CCDC60: variants seen among roughly 807,000 people sequenced by gnomAD.
CCDC60 encodes coiled-coil domain-containing protein 60.
A neutral mutation model predicts 63.5 loss-of-function variants in CCDC60; 54 were observed. The observed-to-expected ratio is 0.85, with a 90% confidence interval of 0.68 to 1.07. CCDC60 has a LOEUF of 1.07. CCDC60 is among the 50% of genes least tolerant of loss of function. CCDC60 has a pLI of 0.00. For missense variants in CCDC60, 651 were observed against 684.3 expected (o/e 0.95, Z 0.54); for synonymous variants, 206 against 238.8 (o/e 0.86, Z 1.27).
chr12:119,376,473 C>G (rs973512813), intron 1 of CCDC60, among the ~76,000 whole-genome samples: 2 of 151,910 alleles, frequency 1.3e-5, no homozygotes, highest in Non-Finnish European at 2.9e-5. Context: ...ACAAAAAATA[C>G]AAAAATTTGT....
intron 5 of CCDC60, among the ~76,000 whole-genome samples, chr12:119,496,960 T>C (rs1006704244): frequency 2.0e-5 from 3 of 152,114 alleles, no homozygotes; most frequent in Non-Finnish European, 4.4e-5. Context: ...CTCAGCAGTT[T>C]AAGGCAAAAA....
At chr12:119,441,362 A>G (rs1348021851) in intron 2 of CCDC60, among the ~76,000 whole-genome samples, 1 of 152,216 alleles carries the variant, frequency 6.6e-6, no homozygotes, top group Non-Finnish European at 1.5e-5. Flanking sequence ...TGGACACTAC[A>G]CGCAATAAGC....
In CCDC60 at chr12:119,420,597, G is replaced by A. The variant is rs1956795431; in HGVS notation, c.91-8086G>A. ...TAGTGGGGGATGGGGGGCAGAAGGT[G>A]GGAATGGCTAACGGGTACCAAAAAA... On this transcript the variant is annotated intron_variant, in intron 1 of 13. Transcript: ENST00000327554. The surrounding 1 kb of genome is among the most constrained non-coding windows in gnomAD (Gnocchi z 4.1). Among the ~76,000 whole-genome samples the A allele has an allele frequency of 6.6e-6, 1 of 152,112 alleles. No homozygotes were observed. The highest frequency in any genetic ancestry group is 6.6e-5 in the Admixed American group (1 of 15,266).
At chr12:119,406,843 G>T (rs1345945665) in intron 1 of CCDC60, among the ~76,000 whole-genome samples, 1 of 152,106 alleles carries the variant, frequency 6.6e-6, no homozygotes, top group Non-Finnish European at 1.5e-5. Flanking sequence ...ATACACTAGG[G>T]TTTCTCTACT....
chr12:119,365,128 G>A (rs1389257479), intron 1 of CCDC60, among the ~76,000 whole-genome samples: 1 of 152,182 alleles, frequency 6.6e-6, no homozygotes, highest in African/African-American at 2.4e-5. Flanking sequence ...CAGATTCAAG[G>A]AAATGAGATA....
chr12:119,486,755 A>G (rs1166276053), intron 4 of CCDC60, among the ~76,000 whole-genome samples: 1 of 152,136 alleles, frequency 6.6e-6, no homozygotes, highest in Non-Finnish European at 1.5e-5. Context: ...AAGCAAATGC[A>G]TGCCTCTCAA....
At chr12:119,501,076 A>G (rs1056362036) in intron 6 of CCDC60, among the ~76,000 whole-genome samples, 1 of 152,242 alleles carries the variant, frequency 6.6e-6, no homozygotes, top group African/African-American at 2.4e-5. Context: ...GTAATAGAGC[A>G]CACAACTAGA....
At chr12:119,449,407 A>G (rs894647477) in intron 2 of CCDC60, among the ~76,000 whole-genome samples, 1 of 152,176 alleles carries the variant, frequency 6.6e-6, no homozygotes, top group African/African-American at 2.4e-5. Context: ...AAAAAAATAT[A>G]TATATTTCAA....
chr12:119,430,179 C>T lies in CCDC60; in HGVS notation c.170+1417C>T, dbSNP rs1489322571. On this transcript the variant is annotated intron_variant, in intron 2 of 13. Coordinates refer to ENST00000327554, the MANE Select transcript of CCDC60 (RefSeq NM_178499.5). ...ATTGTGCCCCTGCCACACATACACA[C>T]ACACACACACACACACACACACATA... is the stretch of plus-strand genomic sequence containing the variant. Among the ~76,000 whole-genome samples, 5 of 125,170 alleles carry T rather than the reference C, an allele frequency of 4.0e-5. No individual in the cohort carries two copies. The East Asian group carries it at 7.3e-4, about 18-fold the overall frequency. 82.1% of individuals were successfully genotyped at this position (125,170 alleles called of 152,430 possible).
At chr12:119,540,148 C>T (rs1255401864) in intron 13 of CCDC60, among the ~76,000 whole-genome samples, 1 of 152,164 alleles carries the variant, frequency 6.6e-6, no homozygotes, top group African/African-American at 2.4e-5. Flanking sequence ...AGCCACCCAA[C>T]ATCACAGAAT....
chr12:119,428,546 G>C (rs1699646075), intron 1 of CCDC60, 137 bp from the exon 2 acceptor site: 1 of 598,232 alleles, frequency 1.7e-6, no homozygotes, highest in East Asian at 2.9e-5. Flanking sequence ...TTGGTGTCAA[G>C]GTAGACTCTG....
intron 2 of CCDC60, chr12:119,433,407 AAGG>A (rs1388371137): frequency 2.8e-6 from 2 of 702,340 alleles, no homozygotes; most frequent in African/African-American, 1.7e-5. Context: ...GCCGGACACA[AAGG>A]AGAATGGGGA....
At chr12:119,429,370 T>G (rs554705062) in intron 2 of CCDC60, among the ~76,000 whole-genome samples, 1 of 152,150 alleles carries the variant, frequency 6.6e-6, no homozygotes, top group East Asian at 1.9e-4. Flanking sequence ...TGAGATGGAA[T>G]TTTTTTCCCT....
intron 3 of CCDC60, 57 bp from the exon 4 acceptor site, chr12:119,479,037 G>A: frequency 8.5e-7 from 1 of 1,172,504 alleles, no homozygotes; most frequent in African/African-American, 1.5e-5. Context: ...AAGAGAAGAA[G>A]GTGTTCAAAG....
chr12:119,454,797 G>C lies in CCDC60; in HGVS notation c.171-17197G>C, dbSNP rs534086507. 2.6e-3 allele frequency among the ~76,000 whole-genome samples: 395 copies of C among 152,248 alleles called. 2 individuals are homozygous for C. The highest frequency in any genetic ancestry group is 0.02 in the Middle Eastern group (6 of 294). On this transcript the variant is annotated intron_variant, in intron 2 of 13. Transcript: ENST00000327554. ...AGAATTACCTCCCTCACATAAAAAGGGTTTACATTTGGATGAAGGTGATCT... is the reference window on the plus strand; with the variant it reads ...AGAATTACCTCCCTCACATAAAAAGCGTTTACATTTGGATGAAGGTGATCT...
intron 2 of CCDC60, among the ~76,000 whole-genome samples, chr12:119,471,633 T>C (rs1164132470): frequency 6.6e-6 from 1 of 152,118 alleles, no homozygotes; most frequent in Admixed American, 6.5e-5. Flanking sequence ...TAGTACAAGG[T>C]GGATCCAGAA....
chr12:119,384,311 T>C (rs540436723), intron 1 of CCDC60, among the ~76,000 whole-genome samples: 135 of 152,192 alleles, frequency 8.9e-4, no homozygotes, highest in African/African-American at 3.2e-3. Context: ...TCATTAGGGG[T>C]TTGGCATCTG....
At chr12:119,377,178 T>C (rs952007119) in intron 1 of CCDC60, among the ~76,000 whole-genome samples, 4 of 147,594 alleles carry the variant, frequency 2.7e-5, no homozygotes, top group South Asian at 4.2e-4. Flanking sequence ...TCGCTTGAGC[T>C]TGGGAGGCGG....
rs143201218 is a variant in CCDC60, at chr12:119,434,858, T to G, written c.170+6096T>G. 3.4e-4 allele frequency among the ~76,000 whole-genome samples: 52 copies of G among 152,268 alleles called. 2 individuals carry two copies. In the East Asian group the frequency reaches 8.1e-3, roughly 24 times the overall value. On this transcript the variant is annotated intron_variant, in intron 2 of 13. Coordinates refer to ENST00000327554, the MANE Select transcript of CCDC60 (RefSeq NM_178499.5). ...GAGCTGGCTCAGCCCACACGCTGCC[T>G]TGTAGGCTGCGATGAAAAGTATGGG... is the stretch of plus-strand genomic sequence containing the variant.
Sources: allele counts gnomAD v4.1 joint callset (sites outside exome capture counted in the v4.1 genomes callset), GRCh38; gene constraint gnomAD v4.1.1; non-coding constraint Gnocchi (gnomAD v3.1); transcripts MANE v1.5; gene names NCBI Gene and HGNC (gene_info 2026-07-23, HGNC 2026-07-21).